GPR143: variants seen among roughly 807,000 people sequenced by gnomAD.
The protein encoded by GPR143 is G protein-coupled receptor 143, also known as G-protein coupled receptor 143.
Under a neutral mutation model 27.6 loss-of-function variants are expected in GPR143, and 8 were observed. The observed-to-expected ratio is 0.29, with a 90% CI of 0.17 to 0.52. GPR143 has a LOEUF of 0.52. GPR143 is among the 20% of genes least tolerant of loss of function. The pLI is 0.96. For missense variants in GPR143, 303 were observed against 343.1 expected, an observed-to-expected ratio of 0.88 and a Z score of 0.92; for synonymous variants, 156 against 153.2, an observed-to-expected ratio of 1.02 and a Z score of -0.13.
At chrX:9,773,730 G>A (rs1251951057) in intron 1 of GPR143, among the ~76,000 whole-genome samples, 1 of 106,918 alleles carries the variant, frequency 9.4e-6, no homozygotes, top group African/African-American at 3.4e-5. Context: ...GAAGCATGGT[G>A]GTGCACGCCT....
chrX:9,776,549 CTTTTTTTT>C (rs145411367), intron 1 of GPR143, among the ~76,000 whole-genome samples: 7 of 71,606 alleles, frequency 9.8e-5, no homozygotes, highest in African/African-American at 2.2e-4. Context: ...CCATGCCTAG[CTTTTTTTT>C]TTTTTTTTTT....
chrX:9,725,856 C>T lies in GPR143; in HGVS notation c.1121-16G>A. 8.3e-7 allele frequency: 1 copy of T among 1,204,582 alleles called. No individual in the cohort carries two copies. Among genetic ancestry groups the T allele is most frequent in the Non-Finnish European group, 1.1e-6 (1 of 891,911 alleles). Reference sequence around the variant, plus strand: ...GCATCAGAACCTGGAGAGGAAAAGACAAAAGACTGACTGTGTCTGTGTCCT... The same window carrying T: ...GCATCAGAACCTGGAGAGGAAAAGATAAAAGACTGACTGTGTCTGTGTCCT... On this transcript the variant is annotated splice_polypyrimidine_tract_variant and intron_variant, in intron 8 of 8. Coordinates refer to ENST00000467482, the MANE Select transcript of GPR143 (RefSeq NM_000273.3).
In GPR143 at chrX:9,725,696, G is replaced by C. The variant is rs377633602; in HGVS notation, c.*50C>G. The C allele has an allele frequency of 5.5e-4, 518 of 944,910 alleles. 4 individuals carry two copies. The highest frequency in any genetic ancestry group is 9.1e-5 in the Admixed American group (4 of 43,916). 77.9% of individuals were successfully genotyped at this position (944,910 alleles called of 1,213,427 possible). A position where few individuals can be genotyped will look rare whatever the true frequency, so the allele number is the denominator to read the frequency against. On this transcript the variant is annotated 3_prime_UTR_variant, in exon 9 of 9. Transcript: ENST00000467482. The stretch of plus-strand genomic sequence containing the variant: ...GTGAGAACACAGTTCTAAAGAACAA[G>C]AATTGTTGAGTCTGAGGAATATGGG...
intron 7 of GPR143, chrX:9,741,072 A>AT (rs1342079340): frequency 2.4e-5 from 7 of 291,680 alleles, no homozygotes; most frequent in Non-Finnish European, 4.2e-5. Context: ...TTTTCTTCTG[A>AT]TTTTTTTTCA....
intron 3 of GPR143, among the ~76,000 whole-genome samples, chrX:9,756,647 A>G (rs2083475168): frequency 8.9e-6 from 1 of 112,824 alleles, no homozygotes; most frequent in South Asian, 3.6e-4. Context: ...GATGCTTAGC[A>G]TCATTACTCA....
At chrX:9,778,106 A>G (rs1469766289) in intron 1 of GPR143, among the ~76,000 whole-genome samples, 1 of 111,659 alleles carries the variant, frequency 9.0e-6, no homozygotes, top group African/African-American at 3.3e-5. Context: ...AAAAAGGAAA[A>G]AAGGAGACAG....
intron 1 of GPR143, among the ~76,000 whole-genome samples, chrX:9,771,709 C>CTTTTTTTTTTTTTTTTTTTT (rs752477509): frequency 3.2e-5 from 3 of 92,818 alleles, no homozygotes; most frequent in South Asian, 4.8e-4. Context: ...AGCATTCTCT[C>CTTTTTTTTTTTTTTTTTTTT]TCTTTTTTTT....
chrX:9,758,203 C>T (rs1224349148), intron 3 of GPR143, among the ~76,000 whole-genome samples: 2 of 111,839 alleles, frequency 1.8e-5, no homozygotes, highest in African/African-American at 3.3e-5. Context: ...ATGCCACATC[C>T]AGCTTCTCTG....
chrX:9,760,695 C>T, intron 2 of GPR143, 22 bp downstream of exon 2: 13 of 837,922 alleles, frequency 1.6e-5, no homozygotes, highest in Non-Finnish European at 2.3e-5. Context: ...GAGGAGAGGG[C>T]ATGCAGAGGG....
At chrX:9,740,611 T>C (rs924216903) in intron 7 of GPR143, among the ~76,000 whole-genome samples, 2 of 112,134 alleles carry the variant, frequency 1.8e-5, no homozygotes, top group African/African-American at 3.2e-5. Flanking sequence ...GATAAACATG[T>C]TTTTCTGTAC....
chrX:9,727,838 T>G (rs771125929), intron 8 of GPR143, among the ~76,000 whole-genome samples: 2 of 112,438 alleles, frequency 1.8e-5, no homozygotes, highest in East Asian at 5.6e-4. Context: ...TTACTCTGTG[T>G]TCCTCTCAGC....
At chrX:9,732,936 G>T (rs1204478102) in intron 8 of GPR143, among the ~76,000 whole-genome samples, 1 of 109,585 alleles carries the variant, frequency 9.1e-6, no homozygotes, top group Non-Finnish European at 1.9e-5. Context: ...AGAAGAAATT[G>T]TTAGAGAAAT....
At chrX:9,757,528 A>G (rs779378027) in intron 3 of GPR143, among the ~76,000 whole-genome samples, 1 of 112,027 alleles carries the variant, frequency 8.9e-6, no homozygotes, top group Non-Finnish European at 1.9e-5. Flanking sequence ...CATTGCTATG[A>G]AATGTCCAGA....
At chrX:9,731,831 T>C (rs747708693) in intron 8 of GPR143, among the ~76,000 whole-genome samples, 1 of 103,664 alleles carries the variant, frequency 9.6e-6, no homozygotes, top group African/African-American at 3.4e-5. Flanking sequence ...GAAGGCAAGA[T>C]ACTGTGGAAA....
In GPR143 at chrX:9,765,825, G is replaced by T; in HGVS notation, c.-8C>A. On this transcript the variant is annotated 5_prime_UTR_variant, in exon 1 of 9. Coordinates refer to ENST00000467482, the MANE Select transcript of GPR143 (RefSeq NM_000273.3). ...TAGGCGCGGGGAGGCCATGGGCTGTGTTCGCGGACGCGGCTCGGGTGTGCC... is the reference window on the plus strand; with the variant it reads ...TAGGCGCGGGGAGGCCATGGGCTGTTTTCGCGGACGCGGCTCGGGTGTGCC... 1 of 1,095,447 alleles carries T rather than the reference G, an allele frequency of 9.1e-7. No homozygotes were observed. The highest frequency in any genetic ancestry group is 1.2e-6 in the Non-Finnish European group (1 of 841,069). The allele number at this position is 1,095,447 out of a possible 1,213,427, so 90.3% of individuals were successfully genotyped here. A position where few individuals can be genotyped will look rare whatever the true frequency, so the allele number is the denominator to read the frequency against.
At chrX:9,763,398 A>G (rs1327928897) in intron 1 of GPR143, among the ~76,000 whole-genome samples, 1 of 111,426 alleles carries the variant, frequency 9.0e-6, no homozygotes, top group African/African-American at 3.3e-5. Flanking sequence ...GGATCCCTTG[A>G]GCCTAGAAGT....
At chrX:9,743,782 G>A (rs1372127214) in intron 5 of GPR143, 109 bp from the exon 6 acceptor site, 9 of 551,809 alleles carry the variant, frequency 1.6e-5, no homozygotes, top group Non-Finnish European at 2.6e-5. Context: ...CAGAGGGGCA[G>A]GAAGCAAAGC....
intron 8 of GPR143, among the ~76,000 whole-genome samples, chrX:9,732,212 A>G (rs2083357587): frequency 9.0e-6 from 1 of 111,531 alleles, no homozygotes; most frequent in African/African-American, 3.3e-5. Flanking sequence ...GAAACAGAGG[A>G]TTGTAGGAAT....
At chrX:9,754,323 G>C (rs1323153876) in intron 3 of GPR143, among the ~76,000 whole-genome samples, 1 of 111,956 alleles carries the variant, frequency 8.9e-6, no homozygotes, top group Non-Finnish European at 1.9e-5. Context: ...ACTGTGACTG[G>C]TTCCTGGCAT....
Sources: gnomAD v4.1 joint callset for allele counts (sites outside exome capture counted in the v4.1 genomes callset) on GRCh38, gnomAD v4.1.1 for gene constraint, MANE v1.5 for transcripts, NCBI Gene and HGNC (gene_info 2026-07-23, HGNC 2026-07-21) for gene names.